Variants in ANKRD44 observed in about 807,000 individuals in gnomAD.
The protein encoded by ANKRD44 is ankyrin repeat domain 44, also known as serine/threonine-protein phosphatase 6 regulatory ankyrin repeat subunit B.
Under a neutral mutation model 116.0 loss-of-function variants are expected in ANKRD44, and 35 were observed. That is an observed-to-expected ratio of 0.30 (90% CI 0.23 to 0.40). The LOEUF is 0.40. Ranked by LOEUF, ANKRD44 falls within the 10% of genes least tolerant of loss-of-function variation. The pLI is 1.00. For missense variants in ANKRD44, 1,014 were observed against 1,242.6 expected (o/e 0.82, Z 2.77); for synonymous variants, 435 against 461.8 (o/e 0.94, Z 0.74).
chr2:197,274,928 T>C (rs2083029309), intron 1 of ANKRD44, among the ~76,000 whole-genome samples: 1 of 151,492 alleles, frequency 6.6e-6, no homozygotes, highest in Non-Finnish European at 1.5e-5. Context: ...ACCCCATCTC[T>C]ATGAAAAAAA....
chr2:197,198,594 C>G (rs940501666), intron 1 of ANKRD44, among the ~76,000 whole-genome samples: 4 of 151,936 alleles, frequency 2.6e-5, no homozygotes, highest in African/African-American at 9.7e-5. Flanking sequence ...GAGTTTGAGA[C>G]CAGCCTGGCC....
At chr2:197,279,895 G>A (rs530399132) in intron 1 of ANKRD44, among the ~76,000 whole-genome samples, 25 of 152,292 alleles carry the variant, frequency 1.6e-4, no homozygotes, top group African/African-American at 5.5e-4. Context: ...ACAGTGTCTT[G>A]TCCTGGCTTC....
In ANKRD44 at chr2:197,001,596, A is replaced by C. The variant is rs111811199; in HGVS notation, c.2435+157T>G. Reference sequence around the variant, plus strand: ...CACAAAAATCTCCGGGAAAATCATTAATATTTTGCTATCAGATCTACTTGT... The same window carrying C: ...CACAAAAATCTCCGGGAAAATCATTCATATTTTGCTATCAGATCTACTTGT... On this transcript the variant is annotated intron_variant, in intron 22 of 27. Transcript: ENST00000282272. 3.1e-3 allele frequency among the ~76,000 whole-genome samples: 472 copies of C among 152,336 alleles called. 2 individuals are homozygous for C. The highest frequency in any genetic ancestry group is 0.011 in the African/African-American group (445 of 41,578).
intron 1 of ANKRD44, among the ~76,000 whole-genome samples, chr2:197,221,620 TC>T (rs1432756320): frequency 6.6e-6 from 1 of 152,208 alleles, no homozygotes; most frequent in Non-Finnish European, 1.5e-5. Flanking sequence ...CCTCAACTTT[TC>T]ATCTCTTCCA....
chr2:197,306,153 G>A (rs527243189), intron 1 of ANKRD44, among the ~76,000 whole-genome samples: 1 of 152,016 alleles, frequency 6.6e-6, no homozygotes, highest in South Asian at 2.1e-4. Flanking sequence ...AGGAGTTCAG[G>A]GAACGCTGTT....
At chr2:197,021,704 A>G (rs2076501353) in intron 17 of ANKRD44, among the ~76,000 whole-genome samples, 1 of 152,260 alleles carries the variant, frequency 6.6e-6, no homozygotes, top group Admixed American at 6.5e-5. Flanking sequence ...ACCAAATGTT[A>G]AGTAAGTTTA....
At chr2:197,120,483 C>G (rs990645530) in intron 8 of ANKRD44, among the ~76,000 whole-genome samples, 3 of 152,234 alleles carry the variant, frequency 2.0e-5, no homozygotes, top group African/African-American at 7.2e-5. Context: ...AACACCATCT[C>G]TACTAATAAT....
intron 1 of ANKRD44, among the ~76,000 whole-genome samples, chr2:197,273,991 A>ATC (rs1209209981): frequency 1.2e-3 from 28 of 23,436 alleles, no homozygotes; most frequent in African/African-American, 3.4e-3. Flanking sequence ...ATATATATAT[A>ATC]TATATATATA....
At chr2:197,006,181 G>A (rs1169760737) in intron 20 of ANKRD44, among the ~76,000 whole-genome samples, 4 of 152,276 alleles carry the variant, frequency 2.6e-5, no homozygotes, top group East Asian at 1.9e-4. Flanking sequence ...GGTGGCTCAC[G>A]CCTGTAATCC....
chr2:197,074,102 G>T (rs1396725589), intron 16 of ANKRD44, among the ~76,000 whole-genome samples: 1 of 152,202 alleles, frequency 6.6e-6, no homozygotes, highest in Non-Finnish European at 1.5e-5. Flanking sequence ...GAGGATGCCA[G>T]TGGTATCAAA....
chr2:197,291,548 G>A (rs193228510), intron 1 of ANKRD44, among the ~76,000 whole-genome samples: 14 of 152,124 alleles, frequency 9.2e-5, no homozygotes, highest in South Asian at 6.2e-4. Flanking sequence ...ATAAAAGTGC[G>A]GTAATTTACA....
chr2:197,153,047 A>T (rs1024458078), intron 2 of ANKRD44, among the ~76,000 whole-genome samples: 1 of 151,832 alleles, frequency 6.6e-6, no homozygotes, highest in African/African-American at 2.4e-5. Context: ...ATTAAAAGTA[A>T]TTTTTTTAAA....
chr2:197,214,524 A>G (rs190540262), intron 1 of ANKRD44, among the ~76,000 whole-genome samples: 25 of 152,350 alleles, frequency 1.6e-4, no homozygotes, highest in Admixed American at 1.6e-3. Context: ...GTAAGAGAAA[A>G]AAGACCAAGT....
At chr2:197,094,404 A>T (rs943265817) in intron 10 of ANKRD44, among the ~76,000 whole-genome samples, 1 of 152,236 alleles carries the variant, frequency 6.6e-6, no homozygotes. Context: ...CATCACGCAC[A>T]TGGAAATCCT....
intron 8 of ANKRD44, among the ~76,000 whole-genome samples, chr2:197,113,556 AAAGAGCT>A (rs1352068942): frequency 6.6e-6 from 1 of 152,222 alleles, no homozygotes; most frequent in Non-Finnish European, 1.5e-5. Context: ...CATGTCTATA[AAAGAGCT>A]TAAAGGCCTT....
intron 1 of ANKRD44, among the ~76,000 whole-genome samples, chr2:197,257,464 C>T (rs1023879109): frequency 6.6e-6 from 1 of 151,104 alleles, no homozygotes; most frequent in African/African-American, 2.4e-5. Context: ...AAAAAACAAT[C>T]ATGACTTTCT....
chr2:197,209,880 CAG>C (rs1170834909), intron 1 of ANKRD44, among the ~76,000 whole-genome samples: 2 of 152,172 alleles, frequency 1.3e-5, no homozygotes, highest in African/African-American at 4.8e-5. Context: ...TTTAGCCTAA[CAG>C]GGAGTGAAGA....
chr2:197,159,436 A>G (rs2079903563), intron 2 of ANKRD44, among the ~76,000 whole-genome samples: 1 of 152,236 alleles, frequency 6.6e-6, no homozygotes, highest in African/African-American at 2.4e-5. Flanking sequence ...CAAGACTTGC[A>G]GTTTACAAAC....
chr2:197,070,139 G>C (rs571468925), intron 16 of ANKRD44, among the ~76,000 whole-genome samples: 1 of 152,030 alleles, frequency 6.6e-6, no homozygotes, highest in African/African-American at 2.4e-5. Flanking sequence ...AGGATTTTTT[G>C]GTTGATTACT....
Sources: allele counts gnomAD v4.1 joint callset (sites outside exome capture counted in the v4.1 genomes callset), GRCh38; gene constraint gnomAD v4.1.1; transcripts MANE v1.5; gene names NCBI Gene and HGNC (gene_info 2026-07-23, HGNC 2026-07-21).